SLC4A7: variants seen among roughly 807,000 people sequenced by gnomAD.
The protein encoded by SLC4A7 is sodium bicarbonate cotransporter 3.
In SLC4A7, 51 loss-of-function variants were observed where a neutral mutation model predicts 137.6. That is an observed-to-expected ratio of 0.37 (90% CI 0.30 to 0.47). SLC4A7 has a LOEUF of 0.47. SLC4A7 is among the 20% of genes least tolerant of loss of function. The pLI is 1.00. For missense variants in SLC4A7, 1,247 were observed against 1,525.4 expected, an observed-to-expected ratio of 0.82 and a Z score of 3.04; for synonymous variants, 542 against 518.6, an observed-to-expected ratio of 1.05 and a Z score of -0.61.
chr3:27,475,210 T>C (rs1178759802), intron 1 of SLC4A7, among the ~76,000 whole-genome samples: 1 of 151,976 alleles, frequency 6.6e-6, no homozygotes, highest in Admixed American at 6.6e-5. Context: ...GTCCTCATTC[T>C]GTACACAAAC....
chr3:27,398,164 C>A, intron 17 of SLC4A7, 28 bp downstream of exon 17: 2 of 1,551,252 alleles, frequency 1.3e-6, no homozygotes, highest in African/African-American at 1.4e-5. Flanking sequence ...TGAATATTAC[C>A]AGAATTCCAA....
intron 15 of SLC4A7, among the ~76,000 whole-genome samples, chr3:27,401,914 A>G (rs539409986): frequency 6.6e-6 from 1 of 152,356 alleles, no homozygotes; most frequent in East Asian, 1.9e-4. Context: ...GAATGAAGAT[A>G]GTATATAACA....
chr3:27,415,074 T>C (rs2054255265), intron 11 of SLC4A7, among the ~76,000 whole-genome samples: 2 of 152,210 alleles, frequency 1.3e-5, no homozygotes, highest in Non-Finnish European at 2.9e-5. Context: ...CTTTTCTACA[T>C]AGCATCTAAT....
chr3:27,451,538 C>A (rs2058075625), intron 2 of SLC4A7, among the ~76,000 whole-genome samples: 1 of 151,876 alleles, frequency 6.6e-6, no homozygotes, highest in Non-Finnish European at 1.5e-5. Context: ...AAACACTGTA[C>A]AAAATATCTA....
At chr3:27,412,699 T>C (rs1385252276) in intron 11 of SLC4A7, among the ~76,000 whole-genome samples, 3 of 151,092 alleles carry the variant, frequency 2.0e-5, no homozygotes, top group Non-Finnish European at 3.0e-5. Context: ...ATAAAAGTAA[T>C]TGTGGTTTTG....
chr3:27,429,335 T>G (rs555769163), intron 7 of SLC4A7, among the ~76,000 whole-genome samples: 1 of 147,776 alleles, frequency 6.8e-6, no homozygotes, highest in South Asian at 2.1e-4. Context: ...ATTTTGCACA[T>G]ACAATTTTTT....
intron 3 of SLC4A7, among the ~76,000 whole-genome samples, chr3:27,440,103 C>T (rs2057069147): frequency 1.3e-5 from 2 of 152,104 alleles, no homozygotes; most frequent in Non-Finnish European, 2.9e-5. Flanking sequence ...CAAATTTAAT[C>T]CACAAACCTG....
intron 21 of SLC4A7, among the ~76,000 whole-genome samples, chr3:27,391,434 T>C (rs2051545184): frequency 6.6e-6 from 1 of 152,362 alleles, no homozygotes; most frequent in African/African-American, 2.4e-5. Flanking sequence ...TACCAAAACT[T>C]TTTTTCAATA....
At chr3:27,453,353 G>A (rs1049626916) in intron 1 of SLC4A7, among the ~76,000 whole-genome samples, 3 of 152,274 alleles carry the variant, frequency 2.0e-5, no homozygotes, top group East Asian at 1.9e-4. Flanking sequence ...GGTTGCTCAC[G>A]CCTATAATTG....
chr3:27,431,722 T>C (rs185647636), intron 6 of SLC4A7, 53 bp from the exon 7 acceptor site: 42 of 1,460,272 alleles, frequency 2.9e-5, no homozygotes, highest in Non-Finnish European at 3.6e-5. Context: ...AGAAGGCAAA[T>C]AGAGACATTT....
At chr3:27,385,154 T>C (rs973693387) in intron 23 of SLC4A7, among the ~76,000 whole-genome samples, 1 of 152,172 alleles carries the variant, frequency 6.6e-6, no homozygotes, top group Non-Finnish European at 1.5e-5. Context: ...AATATGTGTC[T>C]TTCTTATCTT....
At chr3:27,474,056 G>A (rs756772561) in intron 1 of SLC4A7, among the ~76,000 whole-genome samples, 22 of 152,028 alleles carry the variant, frequency 1.4e-4, no homozygotes, top group Non-Finnish European at 2.6e-4. Flanking sequence ...ACGCCTATTC[G>A]ACTGAACACT....
In SLC4A7 at chr3:27,398,236, A is replaced by C. The variant is rs770065935; in HGVS notation, c.2545T>G (p.Ser849Ala). The change falls in exon 17 of 26, where the codon TCA (serine) becomes GCA (alanine). Residue 849 changes from serine (S) to alanine (A), a missense_variant. Ser to Ala is a moderately conservative substitution (Grantham distance 99). This residue lies in a region of SLC4A7 where 499 missense variants were observed against 664.2 expected (regional missense o/e 0.75). Coordinates refer to ENST00000454389, the MANE Select transcript of SLC4A7 (RefSeq NM_001321103.2). ...TTGGTCTTAAATTGCTTGAGGAATG[A>C]AGACAGAAAAAATGTTGTGAAAAAC... is the stretch of plus-strand genomic sequence containing the variant. ...ILFFTTFFLS[S>A]FLKQFKTKRY... 2 of 1,613,390 alleles carry C rather than the reference A, an allele frequency of 1.2e-6. No individual in the cohort carries two copies. The highest frequency in any genetic ancestry group is 1.7e-5 in the Admixed American group (1 of 60,000).
chr3:27,456,731 C>A (rs754442378), intron 1 of SLC4A7: 2 of 1,601,404 alleles, frequency 1.2e-6, no homozygotes, highest in Non-Finnish European at 1.7e-6. Context: ...CAGTAACTCC[C>A]TTGAAGATTC....
intron 12 of SLC4A7, 152 bp from the exon 13 acceptor site, chr3:27,409,682 A>C: frequency 1.7e-6 from 1 of 575,130 alleles, no homozygotes; most frequent in Non-Finnish European, 3.1e-6. Flanking sequence ...CAGAAGATAC[A>C]CTCATTTAAT....
chr3:27,393,331 C>G (rs907888597), intron 20 of SLC4A7, among the ~76,000 whole-genome samples: 2 of 152,036 alleles, frequency 1.3e-5, no homozygotes, highest in African/African-American at 4.8e-5. Flanking sequence ...AAATTGGTCT[C>G]CAGAAAACAA....
At chr3:27,425,680 A>G (rs2055531148) in intron 7 of SLC4A7, among the ~76,000 whole-genome samples, 2 of 92,466 alleles carry the variant, frequency 2.2e-5, no homozygotes, top group South Asian at 6.2e-4. Flanking sequence ...CTGTCTCAAA[A>G]AAAAAAAAAA....
chr3:27,464,167 C>CA (rs1000486842), intron 1 of SLC4A7, among the ~76,000 whole-genome samples: 6 of 151,580 alleles, frequency 4.0e-5, no homozygotes, highest in African/African-American at 9.7e-5. Flanking sequence ...GACTCCGTCT[C>CA]AAAAAAAAGA....
Position 27,431,344 on chromosome 3 carries a change from C to T in SLC4A7, c.1104G>A (p.Leu368=), listed in dbSNP as rs1191931190. Residue 368 remains leucine, a synonymous_variant, in exon 7 of 26, where the codon CTG becomes CTA. Coordinates refer to ENST00000454389, the MANE Select transcript of SLC4A7 (RefSeq NM_001321103.2). ...HPPEEDLEAA[L]KGEEQKNEEN... ...CCTCATTCTTCTGCTCCTCGCCTTT[C>T]AGCGCTGCTTCTAAGTCTTCCTCAG... 1 of 1,610,560 alleles carries T rather than the reference C, an allele frequency of 6.2e-7. No homozygotes were observed. The highest frequency in any genetic ancestry group is 2.2e-5 in the East Asian group (1 of 44,848).
Sources: gnomAD v4.1 joint callset for allele counts (sites outside exome capture counted in the v4.1 genomes callset) on GRCh38, gnomAD v4.1.1 for gene constraint, gnomAD v4.1.1 regional missense constraint, MANE v1.5 for transcripts, NCBI Gene and HGNC (gene_info 2026-07-23, HGNC 2026-07-21) for gene names.